TNFSF10: variants seen among roughly 807,000 people sequenced by gnomAD.
TNFSF10 encodes the protein tumor necrosis factor ligand superfamily member 10.
TNFSF10 carries 13 observed loss-of-function variants against 29.5 expected under a neutral mutation model. The ratio of observed to expected loss-of-function variants is 0.44; its 90% CI spans 0.29 to 0.70. The LOEUF (loss-of-function observed/expected upper bound fraction) is 0.70, where lower values mean the gene tolerates loss of function less well. TNFSF10 is among the 30% of genes least tolerant of loss of function. The probability of loss-of-function intolerance (pLI) is 0.13; values close to 1 mark genes in which losing one functional copy is unlikely to be tolerated. For synonymous variants in TNFSF10, 111 were observed against 112.8 expected, an observed-to-expected ratio of 0.98 and a Z score of 0.10; for missense variants, 345 against 330.9, an observed-to-expected ratio of 1.04 and a Z score of -0.33.
Position 172,506,581 on chromosome 3 carries a change from T to A in TNFSF10, c.757A>T (p.Asn253Tyr). The change falls in exon 5 of 5, where the codon AAT (asparagine) becomes TAT (tyrosine). Residue 253 changes from asparagine (N) to tyrosine (Y), a missense_variant. Physicochemically the swap from Asn to Tyr is moderately radical, Grantham distance 143 (BLOSUM62 -2). Coordinates refer to ENST00000241261, the MANE Select transcript of TNFSF10 (RefSeq NM_003810.4). ...YQGGIFELKE[N>Y]DRIFVSVTNE... ...GTTACAGAAACAAAAATTCTGTCAT[T>A]TTCCTTAAGCTCAAATATTCCCCCT... The A allele has an allele frequency of 6.2e-7, 1 of 1,614,142 alleles. No homozygotes were observed. Among genetic ancestry groups the A allele is most frequent in the South Asian group, 1.1e-5 (1 of 91,086 alleles).
In TNFSF10 at chr3:172,505,566, T is replaced by C. The variant is rs375308352; in HGVS notation, c.*926A>G. 9 of 152,178 alleles carry C rather than the reference T, an allele frequency of 5.9e-5. 1 individual carries two copies. Among genetic ancestry groups the C allele is most frequent in the African/African-American group, 1.9e-4 (8 of 41,522 alleles). The allele number at this position is 152,178 out of a possible 1,614,324, so 9.4% of individuals were successfully genotyped here. On this transcript the variant is annotated 3_prime_UTR_variant, in exon 5 of 5. Transcript: ENST00000241261. ...TCTGTAATATGTGTCAAAGATATTA[T>C]GAAAAAAAGATTAGAAGTCTTTTCC...
chr3:172,523,181 G>A (rs1713779613), intron 1 of TNFSF10, 72 bp downstream of exon 1: 1 of 1,490,304 alleles, frequency 6.7e-7, no homozygotes, highest in East Asian at 2.3e-5. Flanking sequence ...GGGGCAAGCT[G>A]ACATGCAAAG....
chr3:172,519,409 C>T (rs1450319926), intron 1 of TNFSF10, among the ~76,000 whole-genome samples: 5 of 152,154 alleles, frequency 3.3e-5, no homozygotes, highest in African/African-American at 1.2e-4. Flanking sequence ...ATTAGTCCAA[C>T]TTGTAATGTA....
At chr3:172,513,471 C>G (rs766560505) in intron 2 of TNFSF10, among the ~76,000 whole-genome samples, 56 of 152,168 alleles carry the variant, frequency 3.7e-4, no homozygotes, top group Non-Finnish European at 6.3e-4. Flanking sequence ...AGTGGGCCCC[C>G]CTGTCTGGAG....
chr3:172,518,751 C>T (rs1403250920), intron 1 of TNFSF10, among the ~76,000 whole-genome samples: 2 of 152,202 alleles, frequency 1.3e-5, no homozygotes, highest in Non-Finnish European at 2.9e-5. Context: ...CAAAGTGGAG[C>T]CTGTATTCAA....
intron 1 of TNFSF10, among the ~76,000 whole-genome samples, chr3:172,515,427 G>A (rs186713833): frequency 1.3e-5 from 2 of 152,258 alleles, no homozygotes; most frequent in African/African-American, 4.8e-5. Flanking sequence ...GTCGGTAGTG[G>A]AGTCAGTTTA....
At chr3:172,517,369 G>C (rs1713478897) in intron 1 of TNFSF10, 4 of 985,416 alleles carry the variant, frequency 4.1e-6, no homozygotes, top group Non-Finnish European at 4.8e-6. Context: ...CTGGAAAATT[G>C]AGTAAGGTCC....
chr3:172,514,404 CTCTT>C (rs752472002), intron 2 of TNFSF10, among the ~76,000 whole-genome samples: 20 of 151,950 alleles, frequency 1.3e-4, no homozygotes, highest in Non-Finnish European at 1.3e-4. Flanking sequence ...TCTTATTTTC[CTCTT>C]TCTTTATCTC....
chr3:172,516,136 C>T (rs962740245), intron 1 of TNFSF10, among the ~76,000 whole-genome samples: 16 of 152,072 alleles, frequency 1.1e-4, no homozygotes, highest in Admixed American at 2.0e-4. Context: ...TGGTGGCGGG[C>T]GCCTGTAGTC....
At chr3:172,513,747 A>T (rs1191737176) in intron 2 of TNFSF10, among the ~76,000 whole-genome samples, 1 of 152,192 alleles carries the variant, frequency 6.6e-6, no homozygotes, top group Non-Finnish European at 1.5e-5. Context: ...ACGTCTTTAA[A>T]CAATGGTGGT....
intron 1 of TNFSF10, among the ~76,000 whole-genome samples, chr3:172,519,490 G>T (rs1713588385): frequency 6.6e-6 from 1 of 152,190 alleles, no homozygotes; most frequent in Non-Finnish European, 1.5e-5. Flanking sequence ...GTTAAGAAAG[G>T]TTAGGAAATT....
At chr3:172,513,197 T>C (rs1713295732) in intron 2 of TNFSF10, among the ~76,000 whole-genome samples, 1 of 152,146 alleles carries the variant, frequency 6.6e-6, no homozygotes, top group African/African-American at 2.4e-5. Context: ...ATTTCTCTTA[T>C]CTCCCCACTC....
intron 4 of TNFSF10, 43 bp from the exon 5 acceptor site, chr3:172,506,962 T>G: frequency 6.9e-7 from 1 of 1,449,762 alleles, no homozygotes; most frequent in South Asian, 1.4e-5. Context: ...AGAAGGGAAT[T>G]TGTAGCAAAG....
At chr3:172,512,980 A>G (rs1052068797) in intron 2 of TNFSF10, among the ~76,000 whole-genome samples, 7 of 152,342 alleles carry the variant, frequency 4.6e-5, no homozygotes, top group Non-Finnish European at 7.3e-5. Flanking sequence ...GGATTAAATG[A>G]GATAATGTAT....
rs570333698 is a variant in TNFSF10, at chr3:172,522,399, G to A, written c.132+854C>T. The A allele has an allele frequency of 4.6e-5, 70 of 1,522,528 alleles. 1 individual carries two copies. The South Asian group carries it at 6.7e-4, about 15-fold the overall frequency. 94.3% of individuals were successfully genotyped at this position (1,522,528 alleles called of 1,614,324 possible). ...CTATTTAAAGGCTGTTGCTACTGCT[G>A]TGGAACAGATTTACCCATTTGTGTT... On this transcript the variant is annotated intron_variant, in intron 1 of 4. Transcript: ENST00000241261.
In TNFSF10 at chr3:172,506,719, C is replaced by CCATT. The variant is rs1334840388; in HGVS notation, c.615_618dup (p.Val207AsnfsTer13). 1 of 1,614,118 alleles carries CCATT rather than the reference C, an allele frequency of 6.2e-7. No individual in the cohort carries two copies. Among genetic ancestry groups the CCATT allele is most frequent in the Non-Finnish European group, 8.5e-7 (1 of 1,180,014 alleles). ...CTTGTGTATTTGTAAATATATTGGA[C>CCATT]CATTTGTTTGTCGTTCTTTGTGTTT... On this transcript the variant is annotated frameshift_variant, in exon 5 of 5. Transcript: ENST00000241261. LOFTEE classifies it high-confidence loss of function.
At position 172,506,788 on chromosome 3, in the gene TNFSF10, T is replaced by C; in HGVS notation, c.550A>G (p.Ile184Val). 1 of 1,614,236 alleles carries C rather than the reference T, an allele frequency of 6.2e-7. No individual in the cohort carries two copies. Among genetic ancestry groups the C allele is most frequent in the Non-Finnish European group, 8.5e-7 (1 of 1,180,038 alleles). ...AATCGAAAGTATGTTTGGGAATAGA[T>C]GTAGTAAAACCCTTTTTCATGGATG... Reference protein sequence around the residue: ...LVIHEKGFYYIYSQTYFRFQE... With the variant: ...LVIHEKGFYYVYSQTYFRFQE... The change falls in exon 5 of 5, where the codon ATC becomes GTC. Residue 184 changes from isoleucine (I) to valine (V), a missense_variant. Coordinates refer to ENST00000241261, the MANE Select transcript of TNFSF10 (RefSeq NM_003810.4).
intron 1 of TNFSF10, among the ~76,000 whole-genome samples, chr3:172,520,360 T>C (rs1713631638): frequency 6.6e-6 from 1 of 152,260 alleles, no homozygotes; most frequent in Non-Finnish European, 1.5e-5. Flanking sequence ...ATAACTTCTT[T>C]ATTACAGATT....
At chr3:172,513,820 C>T (rs3821821) in intron 2 of TNFSF10, among the ~76,000 whole-genome samples, 36,816 of 149,260 alleles carry the variant, frequency 0.25, 4,803 homozygotes, top group Middle Eastern at 0.45. Context: ...GATATTTTCA[C>T]ATAGGCAGAA....
Sources: allele counts gnomAD v4.1 joint callset (sites outside exome capture counted in the v4.1 genomes callset), GRCh38; gene constraint gnomAD v4.1.1; transcripts MANE v1.5; gene names NCBI Gene and HGNC (gene_info 2026-07-23, HGNC 2026-07-21).